The following ZC3H12B variants were observed in gnomAD, a reference collection of about 807,000 sequenced individuals.
ZC3H12B encodes probable ribonuclease ZC3H12B.
ZC3H12B carries 7 observed loss-of-function variants against 43.9 expected under a neutral mutation model. The ratio of observed to expected loss-of-function variants is 0.16; its 90% CI spans 0.09 to 0.30. The LOEUF is 0.30. ZC3H12B is among the 10% of genes least tolerant of loss of function. ZC3H12B has a pLI of 1.00. For missense variants in ZC3H12B, 475 were observed against 670.2 expected (o/e 0.71, Z 3.22); for synonymous variants, 222 against 241.7 (o/e 0.92, Z 0.76).
the ZC3H12B span, among the ~76,000 whole-genome samples, chrX:65,307,881 T>C: frequency 1.2e-4 from 13 of 112,215 alleles, no homozygotes; most frequent in African/African-American, 4.2e-4. Context: ...AATTTTACTC[T>C]GATTTCTTGT....
chrX:65,242,311 G>T, the ZC3H12B span, among the ~76,000 whole-genome samples: 1 of 111,693 alleles, frequency 9.0e-6, no homozygotes, highest in Non-Finnish European at 1.9e-5. Context: ...TGCCATTTTG[G>T]CTTGTTTCCC....
chrX:65,384,986 C>G (rs1399583604), intron 2 of ZC3H12B, among the ~76,000 whole-genome samples: 1 of 111,961 alleles, frequency 8.9e-6, no homozygotes, highest in Non-Finnish European at 1.9e-5. Flanking sequence ...TCTGAGGGCT[C>G]TGATCTGTTC....
intron 2 of ZC3H12B, among the ~76,000 whole-genome samples, chrX:65,384,431 G>A (rs968140730): frequency 9.0e-6 from 1 of 111,188 alleles, no homozygotes; most frequent in South Asian, 3.8e-4. Flanking sequence ...GTTAGTGGGT[G>A]CAGTGCACCA....
At chrX:65,470,978 T>C (rs1226478672) in intron 3 of ZC3H12B, among the ~76,000 whole-genome samples, 1 of 111,974 alleles carries the variant, frequency 8.9e-6, no homozygotes, top group Non-Finnish European at 1.9e-5. Flanking sequence ...ATATTCCATG[T>C]GCTGATGAGA....
At chrX:65,178,577 A>G in the ZC3H12B span, among the ~76,000 whole-genome samples, 1 of 112,460 alleles carries the variant, frequency 8.9e-6, no homozygotes. Context: ...GAAAAAAACA[A>G]CCTTATCAAA....
At chrX:65,115,389 A>T in the ZC3H12B span, among the ~76,000 whole-genome samples, 4 of 105,473 alleles carry the variant, frequency 3.8e-5, no homozygotes, top group African/African-American at 1.0e-4. Context: ...TATTTCATTC[A>T]TTTTTTTTTT....
the ZC3H12B span, among the ~76,000 whole-genome samples, chrX:65,132,463 G>A: frequency 4.8e-4 from 53 of 110,014 alleles, no homozygotes; most frequent in Non-Finnish European, 9.3e-4. Flanking sequence ...TCGGCACTAA[G>A]GAGGGAGTAG....
At chrX:65,195,475 C>T in the ZC3H12B span, among the ~76,000 whole-genome samples, 36 of 112,009 alleles carry the variant, frequency 3.2e-4, no homozygotes, top group Non-Finnish European at 5.6e-4. Flanking sequence ...TAACTTCATA[C>T]CCTGCTTTTT....
chrX:65,265,804 TAAG>T, the ZC3H12B span, among the ~76,000 whole-genome samples: 2 of 111,827 alleles, frequency 1.8e-5, no homozygotes, highest in Non-Finnish European at 3.8e-5. Context: ...ACATAAATAA[TAAG>T]AAAACCAGCA....
chrX:65,226,375 TAAAC>T, the ZC3H12B span, among the ~76,000 whole-genome samples: 1 of 110,916 alleles, frequency 9.0e-6, no homozygotes, highest in Non-Finnish European at 1.9e-5. Flanking sequence ...AAGGAAGCAA[TAAAC>T]ATGGAAAGGA....
the ZC3H12B span, among the ~76,000 whole-genome samples, chrX:65,195,999 G>A: frequency 8.9e-6 from 1 of 111,846 alleles, no homozygotes; most frequent in Non-Finnish European, 1.9e-5. Flanking sequence ...ACTGTTTACA[G>A]AACTCAGCTT....
chrX:65,449,063 GAAGGA>G (rs1281918626), intron 3 of ZC3H12B, among the ~76,000 whole-genome samples: 1 of 107,163 alleles, frequency 9.3e-6, no homozygotes, highest in African/African-American at 3.4e-5. Flanking sequence ...AAGAAAGAAG[GAAGGA>G]AAGAAAGAAA....
At chrX:65,160,690 G>T in the ZC3H12B span, among the ~76,000 whole-genome samples, 2 of 111,111 alleles carry the variant, frequency 1.8e-5, no homozygotes, top group African/African-American at 3.3e-5. Context: ...TATCAATTTT[G>T]TTGATCCTTT....
exon 1 of ZC3H12B, chrX:65,488,959 G>A: frequency 8.3e-7 from 1 of 1,211,039 alleles, no homozygotes; most frequent in Non-Finnish European, 1.1e-6. Flanking sequence ...AGCCTTAAGA[G>A]TAGCGACAAC....
At chrX:65,433,379 G>T (rs191767085) in intron 3 of ZC3H12B, among the ~76,000 whole-genome samples, 6 of 111,783 alleles carry the variant, frequency 5.4e-5, no homozygotes, top group African/African-American at 1.6e-4. Context: ...ATGGGTAGAG[G>T]CAGGTCTAAT....
the ZC3H12B span, among the ~76,000 whole-genome samples, chrX:65,357,957 G>A: frequency 2.7e-5 from 3 of 109,348 alleles, no homozygotes; most frequent in African/African-American, 1.0e-4. Flanking sequence ...CATCTCATGT[G>A]CAAAGACACA....
At chrX:65,178,422 T>C in the ZC3H12B span, among the ~76,000 whole-genome samples, 2 of 112,062 alleles carry the variant, frequency 1.8e-5, no homozygotes. Flanking sequence ...TGGGATCTAA[T>C]TAAACTAAAG....
chrX:65,401,083 GAA>G (rs113577235), intron 3 of ZC3H12B, among the ~76,000 whole-genome samples: 13,073 of 88,702 alleles, frequency 0.15, 2,109 homozygotes, highest in African/African-American at 0.46. Context: ...ATCTACAGAG[GAA>G]AAAAAAAAAA....
the ZC3H12B span, among the ~76,000 whole-genome samples, chrX:65,267,982 G>T: frequency 1.8e-5 from 2 of 110,829 alleles, no homozygotes; most frequent in East Asian, 5.6e-4. Context: ...AATCCTGTGA[G>T]TTGGTTCTTT....
Sources: allele counts gnomAD v4.1 joint callset (sites outside exome capture counted in the v4.1 genomes callset), GRCh38; gene constraint gnomAD v4.1.1; transcripts MANE v1.5; gene names NCBI Gene and HGNC (gene_info 2026-07-23, HGNC 2026-07-21).